TNFSF4: variants seen among roughly 807,000 people sequenced by gnomAD.
TNFSF4 encodes the protein tumor necrosis factor ligand superfamily member 4.
In TNFSF4, 4 loss-of-function variants were observed where a neutral mutation model predicts 7.3. The ratio of observed to expected loss-of-function variants is 0.55; its 90% CI spans 0.27 to 1.25. The LOEUF (loss-of-function observed/expected upper bound fraction) is 1.25, where lower values mean the gene tolerates loss of function less well. Among genes scored for constraint, TNFSF4 ranks in the 50% most tolerant of loss-of-function variants. The pLI, the probability that TNFSF4 is intolerant of heterozygous loss-of-function variation, is 0.12. For missense variants in TNFSF4, 181 were observed against 208.8 expected (o/e 0.87, Z 0.82); for synonymous variants, 76 against 83.7 (o/e 0.91, Z 0.50).
the TNFSF4 span, among the ~76,000 whole-genome samples, chr1:173,279,909 A>T: frequency 6.6e-6 from 1 of 152,112 alleles, no homozygotes; most frequent in Admixed American, 6.6e-5. Flanking sequence ...ATTATTCTTC[A>T]TTATTTTAGA....
At chr1:173,287,818 A>C in the TNFSF4 span, among the ~76,000 whole-genome samples, 2 of 152,234 alleles carry the variant, frequency 1.3e-5, no homozygotes, top group African/African-American at 4.8e-5. Context: ...GTTTCTAATT[A>C]TATAAAGTTC....
At chr1:173,237,197 C>A in the TNFSF4 span, among the ~76,000 whole-genome samples, 1 of 152,170 alleles carries the variant, frequency 6.6e-6, no homozygotes, top group Non-Finnish European at 1.5e-5. Flanking sequence ...GTCCATTAAA[C>A]CTCTCTTTTA....
At chr1:173,251,049 CTG>C in the TNFSF4 span, among the ~76,000 whole-genome samples, 1 of 152,094 alleles carries the variant, frequency 6.6e-6, no homozygotes, top group Non-Finnish European at 1.5e-5. Flanking sequence ...GAATCAGAAA[CTG>C]GGGATGGGGC....
At chr1:173,248,369 A>G in the TNFSF4 span, among the ~76,000 whole-genome samples, 1 of 150,422 alleles carries the variant, frequency 6.6e-6, no homozygotes, top group South Asian at 2.1e-4. Context: ...AAAACAAAGG[A>G]AGAAAGAAAG....
the TNFSF4 span, among the ~76,000 whole-genome samples, chr1:173,244,369 G>A: frequency 3.3e-5 from 5 of 152,058 alleles, no homozygotes; most frequent in Admixed American, 1.3e-4. Flanking sequence ...CCGGCCGGGC[G>A]CGGTGGCTCA....
the TNFSF4 span, among the ~76,000 whole-genome samples, chr1:173,272,915 G>A: frequency 6.6e-6 from 1 of 152,066 alleles, no homozygotes; most frequent in African/African-American, 2.4e-5. Context: ...TGAAAGCTCT[G>A]CTCTTTTCTG....
At chr1:173,260,929 T>C in the TNFSF4 span, among the ~76,000 whole-genome samples, 3 of 152,104 alleles carry the variant, frequency 2.0e-5, no homozygotes, top group Non-Finnish European at 4.4e-5. Context: ...AGACAGATCA[T>C]TGAGATAGAA....
the TNFSF4 span, among the ~76,000 whole-genome samples, chr1:173,321,276 T>G: frequency 6.6e-6 from 1 of 152,208 alleles, no homozygotes; most frequent in Non-Finnish European, 1.5e-5. Context: ...GCTAGCCATA[T>G]GCAGAAAACT....
At chr1:173,439,677 A>T in the TNFSF4 span, among the ~76,000 whole-genome samples, 439 of 152,320 alleles carry the variant, frequency 2.9e-3, 8 homozygotes, top group Non-Finnish European at 5.6e-4. Flanking sequence ...GGTGCCAGTC[A>T]GTGACACCAG....
chr1:173,404,047 G>A, the TNFSF4 span, among the ~76,000 whole-genome samples: 1 of 152,192 alleles, frequency 6.6e-6, no homozygotes, highest in Admixed American at 6.5e-5. Context: ...ATAAGGATAG[G>A]CTCATTGCAG....
Position 173,207,166 on chromosome 1 carries a change from A to G in TNFSF4, c.11T>C (p.Val4Ala). 6.2e-7 allele frequency: 1 copy of G among 1,612,006 alleles called. No homozygotes were observed. Among genetic ancestry groups the G allele is most frequent in the South Asian group, 1.1e-5 (1 of 90,976 alleles). Residue 4 changes from valine (V) to alanine (A), a missense_variant, in exon 1 of 3, where the codon GTC becomes GCC. Coordinates refer to ENST00000281834, the MANE Select transcript of TNFSF4 (RefSeq NM_003326.5). ...TCCCACATTCTCTTCCAGGGGTTGG[A>G]CCCTTTCCATCTTCACAATCTGGGT... MER[V>A]QPLEENVGNA...
the TNFSF4 span, among the ~76,000 whole-genome samples, chr1:173,424,669 G>C: frequency 1.6e-3 from 245 of 152,180 alleles, no homozygotes; most frequent in Middle Eastern, 6.8e-3. Context: ...AAAAGTTCCA[G>C]GTCCCACAAA....
At chr1:173,228,168 A>T in the TNFSF4 span, among the ~76,000 whole-genome samples, 21 of 152,328 alleles carry the variant, frequency 1.4e-4, no homozygotes, top group African/African-American at 4.8e-4. Context: ...CCTAACTGGG[A>T]GGCACCCCCG....
At chr1:173,412,072 C>T in the TNFSF4 span, among the ~76,000 whole-genome samples, 2 of 147,492 alleles carry the variant, frequency 1.4e-5, no homozygotes, top group African/African-American at 2.5e-5. Context: ...GCTGAGATTG[C>T]GCCATTGCAC....
chr1:173,357,544 T>C, the TNFSF4 span, among the ~76,000 whole-genome samples: 1 of 152,032 alleles, frequency 6.6e-6, no homozygotes, highest in Non-Finnish European at 1.5e-5. Flanking sequence ...CAGCCTTTTT[T>C]TTTTGAGATG....
chr1:173,226,338 C>T, the TNFSF4 span, among the ~76,000 whole-genome samples: 1 of 152,162 alleles, frequency 6.6e-6, no homozygotes, highest in African/African-American at 2.4e-5. Flanking sequence ...TATGTACACA[C>T]CTTCTATCTT....
chr1:173,279,737 G>C, the TNFSF4 span, among the ~76,000 whole-genome samples: 1 of 151,916 alleles, frequency 6.6e-6, no homozygotes, highest in Non-Finnish European at 1.5e-5. Flanking sequence ...CTGTCACCTA[G>C]GTATTTCTCA....
At chr1:173,278,118 T>A in the TNFSF4 span, among the ~76,000 whole-genome samples, 50,488 of 151,874 alleles carry the variant, frequency 0.33, 8,591 homozygotes, top group Admixed American at 0.41. Flanking sequence ...TCTTATTTTC[T>A]TTTTTCCCAG....
the TNFSF4 span, among the ~76,000 whole-genome samples, chr1:173,363,965 T>A: frequency 2.0e-5 from 3 of 152,184 alleles, no homozygotes; most frequent in Admixed American, 6.5e-5. Flanking sequence ...TTTGTGACCA[T>A]GTGAAAGCCA....
Sources: allele counts gnomAD v4.1 joint callset (sites outside exome capture counted in the v4.1 genomes callset), GRCh38; gene constraint gnomAD v4.1.1; transcripts MANE v1.5; gene names NCBI Gene and HGNC (gene_info 2026-07-23, HGNC 2026-07-21).